TASP1: variants seen among roughly 807,000 people sequenced by gnomAD.
TASP1 encodes taspase 1.
A neutral mutation model predicts 56.6 loss-of-function variants in TASP1; 16 were observed. The observed-to-expected ratio is 0.28, with a 90% CI of 0.19 to 0.43. TASP1 has a LOEUF of 0.43. Ranked by LOEUF, TASP1 falls within the 20% of genes least tolerant of loss-of-function variation. The pLI is 1.00. For synonymous variants in TASP1, 179 were observed against 184.2 expected, an observed-to-expected ratio of 0.97 and a Z score of 0.23; for missense variants, 393 against 511.6, an observed-to-expected ratio of 0.77 and a Z score of 2.24.
At chr20:13,618,856 C>G (rs1348606054) in intron 4 of TASP1, among the ~76,000 whole-genome samples, 16 of 151,518 alleles carry the variant, frequency 1.1e-4, no homozygotes. Flanking sequence ...AATGTAAAAG[C>G]TATTCCTATC....
At chr20:13,580,473 TAAAC>T (rs2047080702) in intron 6 of TASP1, among the ~76,000 whole-genome samples, 2 of 150,820 alleles carry the variant, frequency 1.3e-5, no homozygotes, top group African/African-American at 2.4e-5. Context: ...AAAATAAAAA[TAAAC>T]AAAAACAAAA....
At chr20:13,498,745 T>A (rs1298724400) in intron 10 of TASP1, among the ~76,000 whole-genome samples, 2 of 144,320 alleles carry the variant, frequency 1.4e-5, no homozygotes. Context: ...CAAATCAAAT[T>A]CACAATGAGA....
intron 10 of TASP1, among the ~76,000 whole-genome samples, chr20:13,527,869 A>G (rs1471527825): frequency 6.6e-6 from 1 of 152,140 alleles, no homozygotes; most frequent in Non-Finnish European, 1.5e-5. Flanking sequence ...ATGGGTCATT[A>G]GAAAAAATAT....
At chr20:13,194,795 T>C in the TASP1 span, among the ~76,000 whole-genome samples, 1 of 152,272 alleles carries the variant, frequency 6.6e-6, no homozygotes, top group East Asian at 1.9e-4. Context: ...TCTGACTGAA[T>C]CCTAATTGAT....
chr20:13,561,748 T>C (rs1377593647), intron 7 of TASP1, among the ~76,000 whole-genome samples: 1 of 152,128 alleles, frequency 6.6e-6, no homozygotes, highest in Non-Finnish European at 1.5e-5. Flanking sequence ...AAGATACAAT[T>C]TTGCAAAAGA....
chr20:13,379,677 C>A, the TASP1 span, among the ~76,000 whole-genome samples: 21 of 152,282 alleles, frequency 1.4e-4, no homozygotes, highest in African/African-American at 4.8e-4. Context: ...CGTTTTCCAA[C>A]TTGGTTCCAT....
At chr20:13,259,045 G>A in the TASP1 span, among the ~76,000 whole-genome samples, 2 of 152,166 alleles carry the variant, frequency 1.3e-5, no homozygotes, top group African/African-American at 4.8e-5. Flanking sequence ...CACTTTGGGA[G>A]GCCGAGGCGG....
intron 10 of TASP1, among the ~76,000 whole-genome samples, chr20:13,496,591 C>T (rs1157988956): frequency 6.6e-6 from 1 of 151,652 alleles, no homozygotes; most frequent in Admixed American, 6.6e-5. Context: ...TCTTGTTCTA[C>T]CCAAAAACAA....
intron 11 of TASP1, among the ~76,000 whole-genome samples, chr20:13,449,925 A>G (rs1162487313): frequency 2.0e-5 from 3 of 152,086 alleles, no homozygotes; most frequent in Non-Finnish European, 4.4e-5. Context: ...GCAATGATAC[A>G]CAGGGTGTTG....
At chr20:13,473,426 T>A (rs929903374) in intron 11 of TASP1, among the ~76,000 whole-genome samples, 1 of 152,186 alleles carries the variant, frequency 6.6e-6, no homozygotes, top group South Asian at 2.1e-4. Flanking sequence ...ACATGGCACA[T>A]GTATACATAT....
intron 6 of TASP1, among the ~76,000 whole-genome samples, chr20:13,577,857 CT>C (rs1336586096): frequency 1.3e-5 from 2 of 152,164 alleles, no homozygotes; most frequent in East Asian, 1.9e-4. Context: ...TGTTTCTCTC[CT>C]TTTTTCTAAT....
In TASP1 at chr20:13,629,969, T is replaced by C. The variant is rs2049026809; in HGVS notation, c.110A>G (p.Lys37Arg). 6.2e-7 allele frequency: 1 copy of C among 1,613,906 alleles called. No individual in the cohort carries two copies. Among genetic ancestry groups the C allele is most frequent in the Non-Finnish European group, 8.5e-7 (1 of 1,180,000 alleles). ...AKELETKQSY[K>R]EKRGGFVLVH... ...CAACACAAAGCCTCCTCGTTTCTCTTTATAGGACTGCTTTGTTTCCAACTC... is the reference window on the plus strand; with the variant it reads ...CAACACAAAGCCTCCTCGTTTCTCTCTATAGGACTGCTTTGTTTCCAACTC... Residue 37 changes from lysine to arginine, a missense_variant, in exon 2 of 14, where the codon AAA becomes AGA. This residue lies in a region of TASP1 where 52 missense variants were observed against 51.1 expected (regional missense o/e 1.02). Coordinates refer to ENST00000337743, the MANE Select transcript of TASP1 (RefSeq NM_017714.3).
At chr20:13,579,190 C>T (rs1410001781) in intron 6 of TASP1, among the ~76,000 whole-genome samples, 1 of 152,148 alleles carries the variant, frequency 6.6e-6, no homozygotes. Flanking sequence ...ATGCACATTA[C>T]AGAGAATATA....
At chr20:13,309,462 C>A in the TASP1 span, among the ~76,000 whole-genome samples, 1 of 152,134 alleles carries the variant, frequency 6.6e-6, no homozygotes, top group Admixed American at 6.5e-5. Flanking sequence ...CCACAGCTAA[C>A]ATCATACTCA....
At chr20:13,379,483 C>T in the TASP1 span, among the ~76,000 whole-genome samples, 1 of 152,184 alleles carries the variant, frequency 6.6e-6, no homozygotes, top group Non-Finnish European at 1.5e-5. Context: ...GGTAACCCGA[C>T]ATTTCTCTCT....
chr20:13,279,993 G>A, the TASP1 span: 8 of 1,244,790 alleles, frequency 6.4e-6, no homozygotes, highest in Non-Finnish European at 8.8e-6. Flanking sequence ...CTTAGAGCAT[G>A]TGGCTTTTGG....
At chr20:13,253,648 G>C in the TASP1 span, among the ~76,000 whole-genome samples, 1 of 152,054 alleles carries the variant, frequency 6.6e-6, no homozygotes, top group African/African-American at 2.4e-5. Flanking sequence ...TTCCACAGGG[G>C]ATAGGACCCG....
chr20:13,429,175 T>A (rs2042716674), intron 12 of TASP1, among the ~76,000 whole-genome samples: 1 of 152,206 alleles, frequency 6.6e-6, no homozygotes, highest in Non-Finnish European at 1.5e-5. Flanking sequence ...TGTGTCACAG[T>A]CATTGTTAGA....
At chr20:13,623,977 T>C (rs2048802679) in intron 3 of TASP1, among the ~76,000 whole-genome samples, 2 of 152,310 alleles carry the variant, frequency 1.3e-5, no homozygotes, top group East Asian at 3.9e-4. Flanking sequence ...GATAAAAGCA[T>C]ACATTTGACA....
Sources: gnomAD v4.1 joint callset for allele counts (sites outside exome capture counted in the v4.1 genomes callset) on GRCh38, gnomAD v4.1.1 for gene constraint, gnomAD v4.1.1 regional missense constraint, MANE v1.5 for transcripts, NCBI Gene and HGNC (gene_info 2026-07-23, HGNC 2026-07-21) for gene names.